Variants in SHANK2 observed in about 807,000 individuals in gnomAD.
SHANK2 encodes the protein SH3 and multiple ankyrin repeat domains 2.
A neutral mutation model predicts 133.7 loss-of-function variants in SHANK2; 43 were observed. The observed-to-expected ratio is 0.32, with a 90% CI of 0.25 to 0.41. The LOEUF is 0.41. SHANK2 is among the 10% of genes least tolerant of loss of function. The pLI is 1.00. For synonymous variants in SHANK2, 1,017 were observed against 952.8 expected (o/e 1.07, Z -1.24); for missense variants, 1,994 against 2,235.8 (o/e 0.89, Z 2.18).
At chr11:70,812,462 C>T (rs1360122942) in intron 12 of SHANK2, among the ~76,000 whole-genome samples, 1 of 152,234 alleles carries the variant, frequency 6.6e-6, no homozygotes, top group African/African-American at 2.4e-5. Context: ...AAAATGGAGG[C>T]TCCATAAATG....
At chr11:70,758,552 C>T (rs575446265) in intron 14 of SHANK2, among the ~76,000 whole-genome samples, 1 of 150,876 alleles carries the variant, frequency 6.6e-6, no homozygotes, top group South Asian at 2.2e-4. Context: ...GACTGCATGG[C>T]CCAGGATTCC....
At chr11:71,230,568 C>CA (rs58588362) in intron 1 of SHANK2, among the ~76,000 whole-genome samples, 12,847 of 89,640 alleles carry the variant, frequency 0.14, 626 homozygotes, top group Middle Eastern at 0.24. Context: ...GACTCTGTCT[C>CA]AAAAAAAAAA....
chr11:71,137,471 G>GC lies in SHANK2; in HGVS notation c.207+9648dup, dbSNP rs1200030280. 1.6e-3 allele frequency among the ~76,000 whole-genome samples: 239 copies of GC among 152,076 alleles called. 1 individual carries two copies. The highest frequency in any genetic ancestry group is 4.8e-3 in the Admixed American group (74 of 15,266). ...GGTATGGAGGGGGAAATAAGGCCCA[G>GC]CCCCCCCAAAGGAGGCTGCAGCAGG... is the stretch of plus-strand genomic sequence containing the variant. On this transcript the variant is annotated intron_variant, in intron 3 of 25. Coordinates refer to ENST00000601538, the MANE Select transcript of SHANK2 (RefSeq NM_012309.5).
intron 17 of SHANK2, among the ~76,000 whole-genome samples, chr11:70,558,324 C>G (rs1402487358): frequency 2.0e-5 from 3 of 152,232 alleles, no homozygotes; most frequent in Non-Finnish European, 4.4e-5. Flanking sequence ...CACGGGAGCT[C>G]TCAGCAGGAA....
intron 8 of SHANK2, among the ~76,000 whole-genome samples, chr11:71,089,789 T>C (rs1951475288): frequency 6.6e-6 from 1 of 152,170 alleles, no homozygotes; most frequent in African/African-American, 2.4e-5. Context: ...CAGGGCCAGA[T>C]GCTGTGGAGA....
intron 14 of SHANK2, among the ~76,000 whole-genome samples, chr11:70,756,794 T>C (rs1946886154): frequency 6.6e-6 from 1 of 152,242 alleles, no homozygotes; most frequent in African/African-American, 2.4e-5. Flanking sequence ...CTTTGTAAGC[T>C]GCTTTGTCTT....
rs551364139 is a variant in SHANK2, at chr11:70,745,819, G to T, written c.1778-47056C>A. Among the ~76,000 whole-genome samples the T allele has an allele frequency of 2.0e-5, 3 of 152,350 alleles. No individual in the cohort carries two copies. The South Asian group carries it at 6.2e-4, about 32-fold the overall frequency. The stretch of plus-strand genomic sequence containing the variant: ...TGGTGGGAAACGCATTGCTGAGGAT[G>T]CAAATGCAACTGAGGCTCAAAAGGT... On this transcript the variant is annotated intron_variant, in intron 14 of 25. Coordinates refer to ENST00000601538, the MANE Select transcript of SHANK2 (RefSeq NM_012309.5).
chr11:70,480,043 A>T (rs2058713037), intron 25 of SHANK2, among the ~76,000 whole-genome samples: 1 of 152,144 alleles, frequency 6.6e-6, no homozygotes, highest in Admixed American at 6.5e-5. Flanking sequence ...TCTTCAGGAA[A>T]CAAAGTCTGG....
intron 1 of SHANK2, among the ~76,000 whole-genome samples, chr11:71,246,159 C>T (rs1031096834): frequency 2.0e-5 from 3 of 152,082 alleles, no homozygotes; most frequent in African/African-American, 7.2e-5. Flanking sequence ...TCCCACCTCC[C>T]AGGAGCCCGG....
chr11:70,752,437 G>A (rs781849572), intron 14 of SHANK2, among the ~76,000 whole-genome samples: 14 of 152,106 alleles, frequency 9.2e-5, no homozygotes, highest in Non-Finnish European at 1.3e-4. Context: ...AAATCAATTC[G>A]GCCGGGCGCG....
At chr11:70,781,558 T>TATATATATATATATATATATATA (rs1555045157) in intron 14 of SHANK2, among the ~76,000 whole-genome samples, 1 of 28,970 alleles carries the variant, frequency 3.5e-5, no homozygotes, top group Non-Finnish European at 6.5e-5. Flanking sequence ...TACTTACTTA[T>TATATATATATATATATATATATA]TATATATATA....
chr11:70,489,403 C>G (rs2058854889), intron 23 of SHANK2, 55 bp from the exon 24 acceptor site: 1 of 1,591,154 alleles, frequency 6.3e-7, no homozygotes, highest in Admixed American at 1.7e-5. Context: ...AAATACGCAG[C>G]TTTCCCTGAG....
At chr11:70,502,753 C>CG (rs782280661) in intron 18 of SHANK2, 43 bp downstream of exon 18, 28 of 1,393,102 alleles carry the variant, frequency 2.0e-5, no homozygotes, top group South Asian at 2.0e-4. Flanking sequence ...CCCCCCCCCC[C>CG]AGTAGGGCCC....
At chr11:70,825,049 G>C (rs1948617202) in intron 11 of SHANK2, among the ~76,000 whole-genome samples, 1 of 152,028 alleles carries the variant, frequency 6.6e-6, no homozygotes, top group Non-Finnish European at 1.5e-5. Context: ...CCCCAGTCAC[G>C]GAAACGCTGC....
chr11:71,252,379 C>G lies in SHANK2; in HGVS notation c.-113+46G>C, dbSNP rs905274188. 8 of 152,242 alleles carry G rather than the reference C, an allele frequency of 5.3e-5. No homozygotes were observed. Among genetic ancestry groups the G allele is most frequent in the African/African-American group, 1.9e-4 (8 of 41,544 alleles). 9.4% of individuals were successfully genotyped at this position (152,242 alleles called of 1,614,324 possible). A position where few individuals can be genotyped will look rare whatever the true frequency, so the allele number is the denominator to read the frequency against. On this transcript the variant is annotated intron_variant, in intron 1 of 25. Transcript: ENST00000601538. This position sits in a 1 kb window ranked among gnomAD's most constrained non-coding sequence, Gnocchi z 6.3. ...AGGATCGGGTGCCCAAGGGCCACCTCCCGTCCTCCCCGGCCCGCGCCCTGC... is the reference window on the plus strand; with the variant it reads ...AGGATCGGGTGCCCAAGGGCCACCTGCCGTCCTCCCCGGCCCGCGCCCTGC...
At position 71,094,527 on chromosome 11, in the gene SHANK2, C is replaced by T; in HGVS notation, c.744+10G>A. The T allele has an allele frequency of 6.5e-7, 1 of 1,547,554 alleles. No individual in the cohort carries two copies. The highest frequency in any genetic ancestry group is 8.7e-7 in the Non-Finnish European group (1 of 1,144,032). ...GGGGTGGCACCCAAGTAAGATGGGC[C>T]CGAGTTTACCTTCAGGGCAACTTGG... On this transcript the variant is annotated intron_variant, in intron 7 of 25. Coordinates refer to ENST00000601538, the MANE Select transcript of SHANK2 (RefSeq NM_012309.5).
chr11:70,866,100 C>T (rs550977762), intron 11 of SHANK2, among the ~76,000 whole-genome samples: 6 of 152,266 alleles, frequency 3.9e-5, no homozygotes, highest in African/African-American at 7.2e-5. Context: ...ATGCCTCTGT[C>T]GGAAAGGCCT....
chr11:70,556,381 C>T (rs2059829627), intron 17 of SHANK2, among the ~76,000 whole-genome samples: 2 of 95,504 alleles, frequency 2.1e-5, no homozygotes, highest in Admixed American at 1.9e-4. Context: ...TTCTCTCTGT[C>T]TCTTTCTTTC....
chr11:70,725,976 A>G (rs1461988503), intron 14 of SHANK2, among the ~76,000 whole-genome samples: 1 of 152,216 alleles, frequency 6.6e-6, no homozygotes, highest in African/African-American at 2.4e-5. Flanking sequence ...CTGGATGCCC[A>G]GGAGGGTATG....
Sources: allele counts gnomAD v4.1 joint callset (sites outside exome capture counted in the v4.1 genomes callset), GRCh38; gene constraint gnomAD v4.1.1; non-coding constraint Gnocchi (gnomAD v3.1); transcripts MANE v1.5; gene names NCBI Gene and HGNC (gene_info 2026-07-23, HGNC 2026-07-21).